Variants in SPAG16 observed in about 807,000 individuals in gnomAD.
SPAG16 encodes the protein sperm associated antigen 16, also known as sperm-associated antigen 16 protein.
In SPAG16, 86 loss-of-function variants were observed where a neutral mutation model predicts 80.4. The ratio of observed to expected loss-of-function variants is 1.07; its 90% CI spans 0.90 to 1.28. The LOEUF (loss-of-function observed/expected upper bound fraction) is 1.28. Ranked by LOEUF, SPAG16 falls within the 50% of genes most tolerant of loss-of-function variation. SPAG16 has a pLI of 0.00. For synonymous variants in SPAG16, 294 were observed against 265.9 expected (o/e 1.11, Z -1.03); for missense variants, 870 against 765.3 (o/e 1.14, Z -1.61).
chr2:213,285,054 C>CT (rs1456188117), intron 1 of SPAG16, among the ~76,000 whole-genome samples: 2 of 152,178 alleles, frequency 1.3e-5, no homozygotes, highest in Non-Finnish European at 2.9e-5. Flanking sequence ...TGCCATTGGA[C>CT]TTTAAGGAGC....
At chr2:214,137,810 C>CA (rs55786740) in intron 14 of SPAG16, among the ~76,000 whole-genome samples, 146,796 of 152,152 alleles carry the variant, frequency 0.96, 70,948 homozygotes, top group Non-Finnish European at 0.99. Context: ...TATGTCATGG[C>CA]AAAAACTGTT....
chr2:213,636,244 A>G (rs1473993124), intron 10 of SPAG16, among the ~76,000 whole-genome samples: 2 of 152,178 alleles, frequency 1.3e-5, no homozygotes, highest in Non-Finnish European at 2.9e-5. Flanking sequence ...TGCTTTGTCA[A>G]AGATCAGTTG....
At chr2:213,903,732 C>G (rs891441772) in intron 11 of SPAG16, among the ~76,000 whole-genome samples, 1 of 152,122 alleles carries the variant, frequency 6.6e-6, no homozygotes, top group African/African-American at 2.4e-5. Context: ...ATGGATTTTT[C>G]TTTTCTATCA....
intron 10 of SPAG16, among the ~76,000 whole-genome samples, chr2:213,594,044 G>T (rs2060803673): frequency 6.6e-6 from 1 of 151,708 alleles, no homozygotes; most frequent in African/African-American, 2.4e-5. Context: ...CAAAGTGCTG[G>T]GATTACAGGC....
At chr2:213,435,471 C>T (rs1205576289) in intron 9 of SPAG16, among the ~76,000 whole-genome samples, 1 of 152,022 alleles carries the variant, frequency 6.6e-6, no homozygotes, top group East Asian at 1.9e-4. Context: ...GCTGAAAGGC[C>T]CGACTTCACC....
chr2:214,223,297 A>G (rs1193173217), intron 15 of SPAG16, among the ~76,000 whole-genome samples: 1 of 152,162 alleles, frequency 6.6e-6, no homozygotes, highest in Non-Finnish European at 1.5e-5. Flanking sequence ...CATTATAATA[A>G]TGAATACTAA....
chr2:214,168,459 CTCTT>C lies in SPAG16; in HGVS notation c.1720+19201_1720+19204del, dbSNP rs763788237. On this transcript the variant is annotated intron_variant, in intron 15 of 15. Transcript: ENST00000331683. ...CACAGAGAAGCAGAAAATTAACTAC[CTCTT>C]TCTTTCTGTCTCTGTCTCACACATG... 7.5e-4 allele frequency among the ~76,000 whole-genome samples: 114 copies of C among 152,060 alleles called. 1 individual carries two copies. The highest frequency in any genetic ancestry group is 2.6e-4 in the Non-Finnish European group (18 of 67,968).
chr2:214,401,512 T>C (rs1216798468), intron 15 of SPAG16, among the ~76,000 whole-genome samples: 2 of 151,942 alleles, frequency 1.3e-5, no homozygotes, highest in African/African-American at 4.8e-5. Flanking sequence ...GAATAAAATA[T>C]AAAATGAGTA....
intron 6 of SPAG16, among the ~76,000 whole-genome samples, chr2:213,343,561 A>C (rs1376383258): frequency 6.6e-6 from 1 of 152,182 alleles, no homozygotes; most frequent in Non-Finnish European, 1.5e-5. Context: ...GAGAAAAGAA[A>C]ATTACAGAAT....
intron 7 of SPAG16, among the ~76,000 whole-genome samples, chr2:213,359,684 G>C (rs567506813): frequency 2.0e-5 from 3 of 152,280 alleles, no homozygotes; most frequent in Admixed American, 1.3e-4. Context: ...GTCTGTTATG[G>C]CTTCCCTTGG....
chr2:214,336,202 C>T (rs1383797788), intron 15 of SPAG16, among the ~76,000 whole-genome samples: 1 of 152,110 alleles, frequency 6.6e-6, no homozygotes, highest in Non-Finnish European at 1.5e-5. Context: ...AGCTTCAGGG[C>T]ATATTATTTG....
chr2:213,746,587 C>T (rs530201069), intron 10 of SPAG16, among the ~76,000 whole-genome samples: 1 of 152,246 alleles, frequency 6.6e-6, no homozygotes, highest in South Asian at 2.1e-4. Context: ...AGGCAGATCA[C>T]CCGAGGTCAG....
chr2:213,786,778 A>G (rs950832166), intron 10 of SPAG16, among the ~76,000 whole-genome samples: 3 of 152,196 alleles, frequency 2.0e-5, no homozygotes, highest in Non-Finnish European at 4.4e-5. Context: ...TATATTTGAT[A>G]TTTAAAAACT....
chr2:213,625,893 T>A (rs1344383844), intron 10 of SPAG16, among the ~76,000 whole-genome samples: 1 of 151,984 alleles, frequency 6.6e-6, no homozygotes, highest in Non-Finnish European at 1.5e-5. Flanking sequence ...TTTCATCAGG[T>A]GAGCCAGGCT....
At position 213,971,879 on chromosome 2, in the gene SPAG16, G is replaced by GTTT. The variant is rs895112369; in HGVS notation, c.1400+41743_1400+41745dup. On this transcript the variant is annotated intron_variant, in intron 12 of 15. Transcript: ENST00000331683. Reference sequence around the variant, plus strand: ...ACATGTGCTATTTTCTTGTTTTTTGGTTTTTTTTTTTAGTACAGTCATCCT... The same window carrying GTTT: ...ACATGTGCTATTTTCTTGTTTTTTGGTTTTTTTTTTTTTTAGTACAGTCATCCT... Among the ~76,000 whole-genome samples, 392 of 148,290 alleles carry GTTT rather than the reference G, an allele frequency of 2.6e-3. 1 individual carries two copies. The highest frequency in any genetic ancestry group is 0.014 in the Middle Eastern group (4 of 278).
At chr2:214,116,889 C>G (rs2053960320) in intron 14 of SPAG16, among the ~76,000 whole-genome samples, 1 of 152,214 alleles carries the variant, frequency 6.6e-6, no homozygotes, top group African/African-American at 2.4e-5. Flanking sequence ...AAATGATAGG[C>G]ACAGTAAAGC....
At chr2:214,374,855 G>T (rs1341707497) in intron 15 of SPAG16, among the ~76,000 whole-genome samples, 1 of 152,200 alleles carries the variant, frequency 6.6e-6, no homozygotes, top group Non-Finnish European at 1.5e-5. Flanking sequence ...CTTCCTGGGA[G>T]AGGGCACTGT....
intron 15 of SPAG16, among the ~76,000 whole-genome samples, chr2:214,180,090 A>G (rs1345116748): frequency 6.6e-6 from 1 of 151,628 alleles, no homozygotes; most frequent in African/African-American, 2.4e-5. Flanking sequence ...TTTCATGACA[A>G]ACTACTGTTT....
intron 11 of SPAG16, among the ~76,000 whole-genome samples, chr2:213,896,405 T>C (rs978008451): frequency 3.2e-4 from 48 of 151,322 alleles, no homozygotes; most frequent in African/African-American, 1.1e-3. Context: ...TAAAAAAAAA[T>C]AGAACTACAT....
Sources: gnomAD v4.1 joint callset for allele counts (sites outside exome capture counted in the v4.1 genomes callset) on GRCh38, gnomAD v4.1.1 for gene constraint, MANE v1.5 for transcripts, NCBI Gene and HGNC (gene_info 2026-07-23, HGNC 2026-07-21) for gene names.